Variants in PRH1 observed in about 807,000 individuals in gnomAD.
PRH1 encodes proline rich protein HaeIII subfamily 1.
In PRH1, 7 loss-of-function variants were observed where a neutral mutation model predicts 7.9. The observed-to-expected ratio is 0.89, with a 90% CI of 0.50 to 1.67. The LOEUF (loss-of-function observed/expected upper bound fraction) is 1.67, where lower values mean the gene tolerates loss of function less well. PRH1 is among the 40% of genes most tolerant of loss of function. PRH1 has a pLI of 0.00. For synonymous variants in PRH1, 45 were observed against 80.8 expected (o/e 0.56, Z 2.38); for missense variants, 109 against 223.6 (o/e 0.49, Z 3.27).
At chr12:11,061,440 C>T (rs769907597) in intron 1 of PRH1, 2 of 1,614,104 alleles carry the variant, frequency 1.2e-6, no homozygotes, top group Non-Finnish European at 1.7e-6. Flanking sequence ...TCTGCTTTAG[C>T]TTCTTGTTTC....
At chr12:10,917,142 T>A (rs1188960681) in intron 2 of PRH1, among the ~76,000 whole-genome samples, 1 of 152,112 alleles carries the variant, frequency 6.6e-6, no homozygotes, top group Non-Finnish European at 1.5e-5. Flanking sequence ...TATTTGTACG[T>A]ATGAGATAAG....
intron 1 of PRH1, among the ~76,000 whole-genome samples, chr12:11,060,988 T>C (rs936482887): frequency 1.3e-5 from 2 of 152,262 alleles, no homozygotes; most frequent in Non-Finnish European, 2.9e-5. Flanking sequence ...TGAGATAAGC[T>C]GATAGTTCTT....
intron 1 of PRH1, chr12:11,022,173 C>G (rs753181094): frequency 6.2e-7 from 1 of 1,614,016 alleles, no homozygotes; most frequent in Non-Finnish European, 8.5e-7. Flanking sequence ...AGGGCCCCAA[C>G]AGTATCACCA....
At chr12:11,147,832 T>C (rs1946914589) in intron 1 of PRH1, among the ~76,000 whole-genome samples, 1 of 152,164 alleles carries the variant, frequency 6.6e-6, no homozygotes, top group African/African-American at 2.4e-5. Flanking sequence ...AGAAAGTCAT[T>C]GTTAGCTTGA....
intron 2 of PRH1, chr12:10,895,339 A>T (rs1187188677): frequency 6.6e-6 from 1 of 152,224 alleles, no homozygotes; most frequent in East Asian, 1.9e-4. Flanking sequence ...TCTGAAGGAG[A>T]AACAGAGAAG....
intron 1 of PRH1, among the ~76,000 whole-genome samples, chr12:11,010,784 A>G (rs973431133): frequency 2.0e-5 from 3 of 150,816 alleles, no homozygotes; most frequent in Non-Finnish European, 4.4e-5. Context: ...ATGTATTTTT[A>G]GTTCAAAAAA....
At chr12:11,114,296 A>T (rs1419599169) in intron 1 of PRH1, among the ~76,000 whole-genome samples, 1 of 151,936 alleles carries the variant, frequency 6.6e-6, no homozygotes, top group Admixed American at 6.6e-5. Context: ...AAAATGTGGC[A>T]CATATGTACC....
intron 2 of PRH1, chr12:10,908,335 C>G: frequency 2.6e-6 from 4 of 1,511,846 alleles, no homozygotes; most frequent in Non-Finnish European, 3.6e-6. Flanking sequence ...CTGTTTCTGT[C>G]TGCAATATTC....
chr12:10,988,044 T>C (rs1591772192), intron 1 of PRH1, among the ~76,000 whole-genome samples: 1 of 152,234 alleles, frequency 6.6e-6, no homozygotes, highest in East Asian at 1.9e-4. Context: ...TACACTGTTT[T>C]CAGAATGAGA....
chr12:10,955,278 A>C (rs1281120167), intron 2 of PRH1, among the ~76,000 whole-genome samples: 1 of 152,190 alleles, frequency 6.6e-6, no homozygotes, highest in African/African-American at 2.4e-5. Flanking sequence ...TACTAAGAAA[A>C]TACCTTAAAA....
chr12:10,882,746 C>A (rs372528863), intron 2 of PRH1, 48 bp from the exon 3 acceptor site: 1 of 1,599,564 alleles, frequency 6.3e-7, no homozygotes, highest in South Asian at 1.1e-5. Flanking sequence ...GGAAAACCCT[C>A]CTGTCTTCAT....
chr12:11,059,681 T>TATCACTATATATATATATA (rs1943506075), intron 1 of PRH1, among the ~76,000 whole-genome samples: 3 of 148,884 alleles, frequency 2.0e-5, no homozygotes, highest in Admixed American at 6.7e-5. Context: ...CAAGACTATA[T>TATCACTATATATATATATA]TATTGTCATA....
chr12:11,030,200 T>C (rs1942117698), intron 1 of PRH1, among the ~76,000 whole-genome samples: 1 of 146,216 alleles, frequency 6.8e-6, no homozygotes, highest in African/African-American at 2.6e-5. Context: ...TTATTGTCAA[T>C]GTTCTTAAGT....
chr12:11,057,541 A>G (rs1262501733), intron 1 of PRH1, among the ~76,000 whole-genome samples: 2 of 152,234 alleles, frequency 1.3e-5, no homozygotes, highest in Non-Finnish European at 2.9e-5. Context: ...ATAAAATATA[A>G]TAACCGCATT....
At chr12:10,968,691 G>A (rs996760258) in intron 2 of PRH1, among the ~76,000 whole-genome samples, 3 of 152,202 alleles carry the variant, frequency 2.0e-5, no homozygotes, top group African/African-American at 7.2e-5. Context: ...GCTGGCAGGG[G>A]TGAAATCCAC....
intron 1 of PRH1, among the ~76,000 whole-genome samples, chr12:11,002,739 A>G (rs1293546339): frequency 6.6e-6 from 1 of 152,058 alleles, no homozygotes; most frequent in African/African-American, 2.4e-5. Context: ...TACACTAAAT[A>G]TGTTTTATAG....
At chr12:10,947,223 G>A (rs1198088889) in intron 2 of PRH1, among the ~76,000 whole-genome samples, 1 of 152,158 alleles carries the variant, frequency 6.6e-6, no homozygotes. Context: ...TGTCAGTGGA[G>A]TGTTGATGTC....
Position 11,100,516 on chromosome 12 carries a change from A to G in PRH1, n.124-53328T>C, listed in dbSNP as rs563022329. 7.9e-5 allele frequency among the ~76,000 whole-genome samples: 12 copies of G among 152,348 alleles called. No homozygotes were observed. The South Asian group carries it at 2.5e-3, about 32-fold the overall frequency. Reference sequence around the variant, plus strand: ...AAAATGTCATTTCAATTAATAAGACAAAGTATCTCCACCACAGCTCCACCA... The same window carrying G: ...AAAATGTCATTTCAATTAATAAGACGAAGTATCTCCACCACAGCTCCACCA... On this transcript the variant is annotated intron_variant and non_coding_transcript_variant, in intron 1 of 4. Coordinates refer to the PRH1 transcript ENST00000541977.
In PRH1 at chr12:10,883,932, A is replaced by T. The variant is rs1387337809; in HGVS notation, c.64+222T>A. Among the ~76,000 whole-genome samples the T allele has an allele frequency of 2.0e-5, 3 of 151,936 alleles. No individual in the cohort carries two copies. The East Asian group carries it at 5.8e-4, about 29-fold the overall frequency. ...TATAATGCAAATCTCACTCTCTCAC[A>T]CCCCTAGTACGAATTCTTTATTGGA... On this transcript the variant is annotated intron_variant, in intron 1 of 3. Transcript: ENST00000543626.
Sources: gnomAD v4.1 joint callset for allele counts (sites outside exome capture counted in the v4.1 genomes callset) on GRCh38, gnomAD v4.1.1 for gene constraint, MANE v1.5 for transcripts, NCBI Gene and HGNC (gene_info 2026-07-23, HGNC 2026-07-21) for gene names.